ARHGAP12: variants seen among roughly 807,000 people sequenced by gnomAD.
ARHGAP12 encodes Rho GTPase activating protein 12, also known as rho GTPase-activating protein 12.
ARHGAP12 carries 64 observed loss-of-function variants against 108.6 expected under a neutral mutation model. The ratio of observed to expected loss-of-function variants is 0.59; its 90% CI spans 0.48 to 0.73. The LOEUF is 0.73. Among genes scored for constraint, ARHGAP12 ranks in the 30% least tolerant of loss-of-function variants. The pLI is 0.00. For synonymous variants in ARHGAP12, 312 were observed against 337.2 expected, an observed-to-expected ratio of 0.93 and a Z score of 0.82; for missense variants, 940 against 1,005.9, an observed-to-expected ratio of 0.93 and a Z score of 0.89.
chr10:31,811,542 C>CTT (rs34453459), intron 15 of ARHGAP12, among the ~76,000 whole-genome samples: 9 of 136,000 alleles, frequency 6.6e-5, no homozygotes, highest in African/African-American at 1.6e-4. Flanking sequence ...ATTTGCCAGG[C>CTT]TTTTTTTTTT....
chr10:31,808,905 C>T (rs2132133011), intron 18 of ARHGAP12, 89 bp downstream of exon 18: 1 of 1,407,552 alleles, frequency 7.1e-7, no homozygotes. Context: ...AAAATACTTG[C>T]TTAAAGTAAG....
chr10:31,891,896 G>GTA (rs1838456425), intron 3 of ARHGAP12, among the ~76,000 whole-genome samples: 1 of 151,974 alleles, frequency 6.6e-6, no homozygotes, highest in Non-Finnish European at 1.5e-5. Context: ...TTGTGCATTC[G>GTA]TCACATAGTT....
intron 3 of ARHGAP12, among the ~76,000 whole-genome samples, chr10:31,862,176 G>A (rs1837140972): frequency 6.6e-6 from 1 of 152,080 alleles, no homozygotes; most frequent in African/African-American, 2.4e-5. Context: ...ATTAAATCAG[G>A]AACATAAGTG....
chr10:31,877,865 G>A (rs1211267253), intron 3 of ARHGAP12, among the ~76,000 whole-genome samples: 1 of 152,196 alleles, frequency 6.6e-6, no homozygotes, highest in Non-Finnish European at 1.5e-5. Context: ...GTCAAGGCGG[G>A]CACATAGCTT....
intron 7 of ARHGAP12, among the ~76,000 whole-genome samples, chr10:31,841,087 A>C (rs1241273418): frequency 6.6e-6 from 1 of 152,142 alleles, no homozygotes; most frequent in Non-Finnish European, 1.5e-5. Flanking sequence ...TCAGTCCCAC[A>C]GAAATAAAAA....
intron 1 of ARHGAP12, among the ~76,000 whole-genome samples, chr10:31,927,979 G>C (rs904741211): frequency 6.6e-6 from 1 of 152,228 alleles, no homozygotes; most frequent in South Asian, 2.1e-4. Flanking sequence ...GGGAGCGAAT[G>C]CACGTCCATC....
chr10:31,889,281 G>A (rs932381473), intron 3 of ARHGAP12, among the ~76,000 whole-genome samples: 2 of 152,128 alleles, frequency 1.3e-5, no homozygotes, highest in Non-Finnish European at 2.9e-5. Flanking sequence ...CCAGAACCTG[G>A]CAGTATTAGC....
At chr10:31,813,912 T>C (rs918761287) in intron 14 of ARHGAP12, among the ~76,000 whole-genome samples, 6 of 152,166 alleles carry the variant, frequency 3.9e-5, no homozygotes, top group African/African-American at 1.4e-4. Flanking sequence ...TCTTAAAAAG[T>C]ATAAGATTCT....
At chr10:31,879,875 T>A (rs17295822) in intron 3 of ARHGAP12, among the ~76,000 whole-genome samples, 1 of 152,184 alleles carries the variant, frequency 6.6e-6, no homozygotes, top group Non-Finnish European at 1.5e-5. Context: ...TACATGCTTC[T>A]ACAGGGTTTC....
rs530838124 is a variant in ARHGAP12 at position 31,876,893 on chromosome 10, G to C, written c.685-15235C>G. Among the ~76,000 whole-genome samples, 5 of 152,256 alleles carry C rather than the reference G, an allele frequency of 3.3e-5. No homozygotes were observed. The East Asian group carries it at 9.7e-4, about 29-fold the overall frequency. ...TACTCCCAAACTAGCTCTCAGTTCA[G>C]AATTTTTAGAAAAGGTTCTAAAATA... On this transcript the variant is annotated intron_variant, in intron 3 of 19. Coordinates refer to ENST00000344936, the MANE Select transcript of ARHGAP12 (RefSeq NM_018287.7).
At chr10:31,921,954 C>A (rs1400952542) in intron 1 of ARHGAP12, among the ~76,000 whole-genome samples, 9 of 151,432 alleles carry the variant, frequency 5.9e-5, no homozygotes. Flanking sequence ...CTTTGGGAAG[C>A]CAAGGCAGGC....
chr10:31,907,200 A>G (rs1839166067), intron 3 of ARHGAP12, among the ~76,000 whole-genome samples: 1 of 152,224 alleles, frequency 6.6e-6, no homozygotes, highest in Non-Finnish European at 1.5e-5. Flanking sequence ...AAACTCATTA[A>G]TTTTTAAATT....
chr10:31,916,704 C>A (rs529029736), intron 1 of ARHGAP12, among the ~76,000 whole-genome samples: 1 of 152,090 alleles, frequency 6.6e-6, no homozygotes, highest in South Asian at 2.1e-4. Flanking sequence ...GCAATCTCTG[C>A]CACCCGGGTT....
At chr10:31,849,051 C>T (rs1332265676) in intron 6 of ARHGAP12, among the ~76,000 whole-genome samples, 1 of 150,230 alleles carries the variant, frequency 6.7e-6, no homozygotes, top group Admixed American at 6.6e-5. Context: ...GAGCGAGACT[C>T]GTCTTTAAAA....
chr10:31,818,698 T>A (rs531069056), intron 12 of ARHGAP12, among the ~76,000 whole-genome samples: 1 of 152,228 alleles, frequency 6.6e-6, no homozygotes, highest in African/African-American at 2.4e-5. Flanking sequence ...CCTCAAAAAA[T>A]AAATTTTTGA....
chr10:31,882,977 A>AT (rs1267048530), intron 3 of ARHGAP12, among the ~76,000 whole-genome samples: 1 of 151,758 alleles, frequency 6.6e-6, no homozygotes, highest in Non-Finnish European at 1.5e-5. Context: ...AAGAAAACTG[A>AT]TTAAGGTTTC....
intron 3 of ARHGAP12, among the ~76,000 whole-genome samples, chr10:31,895,573 A>T (rs985663434): frequency 6.6e-6 from 1 of 152,248 alleles, no homozygotes; most frequent in African/African-American, 2.4e-5. Flanking sequence ...AATGGCGATC[A>T]TTAAAAAGTC....
intron 7 of ARHGAP12, among the ~76,000 whole-genome samples, chr10:31,840,136 C>T (rs1836205282): frequency 6.6e-6 from 1 of 151,852 alleles, no homozygotes; most frequent in Non-Finnish European, 1.5e-5. Flanking sequence ...AATACCTTAG[C>T]AAATGCCAGA....
chr10:31,890,351 A>T (rs1838369713), intron 3 of ARHGAP12, among the ~76,000 whole-genome samples: 1 of 152,216 alleles, frequency 6.6e-6, no homozygotes, highest in African/African-American at 2.4e-5. Flanking sequence ...AGATGATTGG[A>T]ACTTCAAGCA....
Sources: allele counts gnomAD v4.1 joint callset (sites outside exome capture counted in the v4.1 genomes callset), GRCh38; gene constraint gnomAD v4.1.1; transcripts MANE v1.5; gene names NCBI Gene and HGNC (gene_info 2026-07-23, HGNC 2026-07-21).